CARF: variants seen among roughly 807,000 people sequenced by gnomAD.
CARF encodes calcium-responsive transcription factor.
Under a neutral mutation model 82.0 loss-of-function variants are expected in CARF, and 57 were observed. That is an observed-to-expected ratio of 0.70 (90% CI 0.56 to 0.87). The LOEUF is 0.87. CARF is among the 40% of genes least tolerant of loss of function. The pLI, the probability that CARF is intolerant of heterozygous loss-of-function variation, is 0.00. For missense variants in CARF, 771 were observed against 855.8 expected (o/e 0.90, Z 1.24); for synonymous variants, 268 against 290.1 (o/e 0.92, Z 0.77).
chr2:202,918,016 G>C lies in CARF; in HGVS notation c.-190G>C, dbSNP rs754187007. 2.2e-6 allele frequency: 1 copy of C among 451,238 alleles called. No homozygotes were observed. The highest frequency in any genetic ancestry group is 1.6e-5 in the South Asian group (1 of 62,926). 28.0% of individuals were successfully genotyped at this position (451,238 alleles called of 1,614,324 possible). ...GGGGTAGTAGAATGCTTGAGGCCTGGAATTTAAACCTGAGCCACTATCTGA... is the reference window on the plus strand; with the variant it reads ...GGGGTAGTAGAATGCTTGAGGCCTGCAATTTAAACCTGAGCCACTATCTGA... On this transcript the variant is annotated 5_prime_UTR_variant, in exon 2 of 17. Transcript: ENST00000438828.
rs1257431903 is a variant in CARF, at chr2:202,912,416, G to C, written c.-1016G>C. On this transcript the variant is annotated 5_prime_UTR_variant, in exon 1 of 17. Transcript: ENST00000438828. ...GCTATCGGCGGCGGCAGGACTGGGG[G>C]AGTCAGAGGTCTGGCAGCGCTGTCT... 2 of 150,350 alleles carry C rather than the reference G, an allele frequency of 1.3e-5. No homozygotes were observed. Among genetic ancestry groups the C allele is most frequent in the Non-Finnish European group, 1.5e-5 (1 of 67,512 alleles). 9.3% of individuals were successfully genotyped at this position (150,350 alleles called of 1,614,324 possible).
intron 8 of CARF, among the ~76,000 whole-genome samples, chr2:202,956,534 A>G (rs2059052901): frequency 6.6e-6 from 1 of 152,084 alleles, no homozygotes; most frequent in African/African-American, 2.4e-5. Context: ...TACAGGTGTG[A>G]ACCACTGCGC....
rs371849105 is a variant in CARF at position 202,961,005 on chromosome 2, C to CAA, written c.643-231_643-230dup. Among the ~76,000 whole-genome samples, 141 of 152,258 alleles carry CAA rather than the reference C, an allele frequency of 9.3e-4. 1 individual carries two copies. Among genetic ancestry groups the CAA allele is most frequent in the African/African-American group, 3.2e-3 (134 of 41,560 alleles). On this transcript the variant is annotated intron_variant, in intron 8 of 16. Coordinates refer to ENST00000438828, the MANE Select transcript of CARF (RefSeq NM_024744.17). ...TTTTCTAAATATTCTTTGTCTCAAACAAGACGTTGATAAAGATAGTATGGC... is the reference window on the plus strand; with the variant it reads ...TTTTCTAAATATTCTTTGTCTCAAACAAAAGACGTTGATAAAGATAGTATGGC...
intron 4 of CARF, 158 bp from the exon 5 acceptor site, chr2:202,942,582 C>CT (rs2058281642): frequency 7.4e-6 from 5 of 674,544 alleles, no homozygotes; most frequent in Non-Finnish European, 9.1e-6. Flanking sequence ...AACAATTTTA[C>CT]TTAAGAAATA....
At chr2:202,923,770 A>T (rs1422758015) in intron 2 of CARF, among the ~76,000 whole-genome samples, 1 of 152,250 alleles carries the variant, frequency 6.6e-6, no homozygotes, top group East Asian at 1.9e-4. Context: ...CTGGTATCAA[A>T]ATAGGTACAT....
intron 14 of CARF, among the ~76,000 whole-genome samples, chr2:202,980,616 G>GTATATACA (rs2060211347): frequency 2.3e-5 from 1 of 42,664 alleles, no homozygotes; most frequent in South Asian, 8.4e-4. Context: ...CGTCTTTCAA[G>GTATATACA]TATATATATA....
At chr2:202,933,655 C>T (rs1693387641) in intron 3 of CARF, among the ~76,000 whole-genome samples, 1 of 152,126 alleles carries the variant, frequency 6.6e-6, no homozygotes, top group South Asian at 2.1e-4. Context: ...TCAATGCTCT[C>T]CCTCATTTAT....
chr2:202,975,303 G>A (rs1394951733), intron 13 of CARF, among the ~76,000 whole-genome samples: 1 of 152,204 alleles, frequency 6.6e-6, no homozygotes, highest in Non-Finnish European at 1.5e-5. Flanking sequence ...AATTAGCCGG[G>A]CATGGTGGCA....
rs1559289266 is a variant in CARF at position 202,982,202 on chromosome 2, C to G, written c.1820C>G (p.Ser607Cys). 2 of 1,614,156 alleles carry G rather than the reference C, an allele frequency of 1.2e-6. No individual in the cohort carries two copies. Among genetic ancestry groups the G allele is most frequent in the South Asian group, 1.1e-5 (1 of 91,086 alleles). Residue 607 changes from serine (S) to cysteine (C), a missense_variant, in exon 16 of 17, where the codon TCT (serine) becomes TGT (cysteine). Ser to Cys is a moderately radical substitution (Grantham distance 112). Coordinates refer to ENST00000438828, the MANE Select transcript of CARF (RefSeq NM_024744.17). ...TIGSAVMNNN[S>C]LLLGQSHSLQ... The stretch of plus-strand genomic sequence containing the variant: ...GGAAGTGCTGTAATGAATAATAATT[C>G]TCTACTGCTTGGTCAAAGTCATAGC...
At chr2:202,949,807 C>G (rs2058677751) in intron 5 of CARF, among the ~76,000 whole-genome samples, 1 of 152,052 alleles carries the variant, frequency 6.6e-6, no homozygotes, top group Non-Finnish European at 1.5e-5. Context: ...ACCTTGGCCT[C>G]CCAAAGTGCT....
intron 9 of CARF, among the ~76,000 whole-genome samples, chr2:202,963,930 G>T (rs778474519): frequency 6.6e-6 from 1 of 152,168 alleles, no homozygotes; most frequent in Non-Finnish European, 1.5e-5. Context: ...CTCACCTCCT[G>T]CTGTGCGGCC....
Position 202,970,021 on chromosome 2 carries a change from C to T in CARF, c.1056C>T (p.Asn352=), listed in dbSNP as rs1278321543. 6.3e-7 allele frequency: 1 copy of T among 1,576,492 alleles called. No homozygotes were observed. Among genetic ancestry groups the T allele is most frequent in the Non-Finnish European group, 8.6e-7 (1 of 1,169,148 alleles). ...IIRMEQEKAF[N]MLKKNLVDAG... The stretch of plus-strand genomic sequence containing the variant: ...GAATGGAGCAGGAGAAAGCTTTTAA[C>T]ATGCTAAAGAAGAACTTGGTAGATG... Residue 352 remains asparagine (N), a synonymous_variant, in exon 11 of 17, where the codon AAC becomes AAT. Coordinates refer to ENST00000438828, the MANE Select transcript of CARF (RefSeq NM_024744.17).
intron 16 of CARF, 81 bp downstream of exon 16, chr2:202,982,522 T>C: frequency 1.3e-6 from 2 of 1,487,630 alleles, no homozygotes; most frequent in South Asian, 1.2e-5. Flanking sequence ...GATAAAACTA[T>C]TATTTCTACC....
Position 202,952,597 on chromosome 2 carries a change from T to C in CARF, c.345T>C (p.Leu115=). Residue 115 remains leucine (L), a synonymous_variant, in exon 6 of 17, where the codon CTT becomes CTC. Transcript: ENST00000438828. The part of the protein sequence containing the change: ...VASPTENGQV[L]RVIPPTQTGM... ...GCCCAACAGAAAATGGACAGGTACT[T>C]CGTGTAATTCCACCTACCCAGACAG... 2 of 1,613,904 alleles carry C rather than the reference T, an allele frequency of 1.2e-6. No individual in the cohort carries two copies. Among genetic ancestry groups the C allele is most frequent in the Non-Finnish European group, 1.7e-6 (2 of 1,179,938 alleles).
intron 5 of CARF, among the ~76,000 whole-genome samples, chr2:202,950,443 A>G (rs1479899755): frequency 2.0e-5 from 3 of 152,210 alleles, no homozygotes; most frequent in Non-Finnish European, 4.4e-5. Context: ...TTGTATATAC[A>G]TATTTTTTTC....
At chr2:202,955,418 T>C (rs547489134) in intron 7 of CARF, among the ~76,000 whole-genome samples, 8 of 152,340 alleles carry the variant, frequency 5.3e-5, no homozygotes, top group South Asian at 4.1e-4. Context: ...GGGAGAGATA[T>C]ATGAAACACT....
In CARF at chr2:202,984,421, G is replaced by C. The variant is rs1270095843; in HGVS notation, c.*797G>C. ...AGGCAGAAAGATGTAGAAATTAAGA[G>C]AATTGAAAAAGAATAATAGAATTCC... On this transcript the variant is annotated 3_prime_UTR_variant, in exon 17 of 17. Transcript: ENST00000438828. The C allele has an allele frequency of 6.6e-6, 1 of 152,122 alleles. No individual in the cohort carries two copies. Among genetic ancestry groups the C allele is most frequent in the African/African-American group, 2.4e-5 (1 of 41,426 alleles). 9.4% of individuals were successfully genotyped at this position (152,122 alleles called of 1,614,324 possible). A position where few individuals can be genotyped will look rare whatever the true frequency, so the allele number is the denominator to read the frequency against.
intron 5 of CARF, among the ~76,000 whole-genome samples, chr2:202,952,043 G>A (rs1406285849): frequency 6.6e-6 from 1 of 152,066 alleles, no homozygotes. Flanking sequence ...ATGTTGATCA[G>A]GCTGGTCTCG....
chr2:202,982,061 T>A lies in CARF; in HGVS notation c.1690-11T>A, dbSNP rs747522869. 1 of 1,607,184 alleles carries A rather than the reference T, an allele frequency of 6.2e-7. No homozygotes were observed. The highest frequency in any genetic ancestry group is 1.7e-5 in the Admixed American group (1 of 57,588). On this transcript the variant is annotated splice_polypyrimidine_tract_variant and intron_variant, in intron 15 of 16. Transcript: ENST00000438828. ...TTCAAACATTTTGATGTACTCTTTT[T>A]GGTTTAAAAGGGTTTGCAGTTACAA...
Sources: gnomAD v4.1 joint callset for allele counts (sites outside exome capture counted in the v4.1 genomes callset) on GRCh38, gnomAD v4.1.1 for gene constraint, MANE v1.5 for transcripts, NCBI Gene and HGNC (gene_info 2026-07-23, HGNC 2026-07-21) for gene names.